The following HEATR4 variants were observed in gnomAD, a reference collection of about 807,000 sequenced individuals.
HEATR4 encodes the protein HEAT repeat-containing protein 4.
Under a neutral mutation model 108.8 loss-of-function variants are expected in HEATR4, and 95 were observed. The ratio of observed to expected loss-of-function variants is 0.87; its 90% confidence interval spans 0.74 to 1.04. The LOEUF (loss-of-function observed/expected upper bound fraction) is 1.04, where lower values mean the gene tolerates loss of function less well. Ranked by LOEUF, HEATR4 falls within the 50% of genes least tolerant of loss-of-function variation. The probability of loss-of-function intolerance (pLI) is 0.00; values close to 1 mark genes in which losing one functional copy is unlikely to be tolerated. For synonymous variants in HEATR4, 443 were observed against 459.4 expected, an observed-to-expected ratio of 0.96 and a Z score of 0.46; for missense variants, 1,152 against 1,253.8, an observed-to-expected ratio of 0.92 and a Z score of 1.23.
the HEATR4 span, among the ~76,000 whole-genome samples, chr14:73,630,386 G>C: frequency 6.6e-6 from 1 of 152,262 alleles, no homozygotes; most frequent in Non-Finnish European, 1.5e-5. Flanking sequence ...TCTTCTGCTG[G>C]CCTGCCTGTT....
chr14:73,588,192 G>T, the HEATR4 span, among the ~76,000 whole-genome samples: 1 of 151,890 alleles, frequency 6.6e-6, no homozygotes, highest in African/African-American at 2.4e-5. Flanking sequence ...TACAGACAGG[G>T]TTTCACCATC....
At chr14:73,488,135 G>A (rs61987091) in intron 17 of HEATR4, among the ~76,000 whole-genome samples, 5,311 of 152,198 alleles carry the variant, frequency 0.035, 138 homozygotes, top group Non-Finnish European at 0.056. Flanking sequence ...ATAAGGTTTG[G>A]CTCTGTGTCC....
intron 5 of HEATR4, among the ~76,000 whole-genome samples, chr14:73,515,381 TA>T (rs1346153613): frequency 6.6e-6 from 1 of 151,982 alleles, no homozygotes; most frequent in Non-Finnish European, 1.5e-5. Context: ...TCTTCTAATG[TA>T]AAAAGAGTCC....
chr14:73,569,810 C>T, the HEATR4 span: 1 of 1,601,354 alleles, frequency 6.2e-7, no homozygotes, highest in African/African-American at 1.3e-5. Flanking sequence ...ACGAGCGCTA[C>T]TTCCTCCCGC....
chr14:73,610,091 G>T, the HEATR4 span, among the ~76,000 whole-genome samples: 4 of 151,830 alleles, frequency 2.6e-5, no homozygotes, highest in Non-Finnish European at 4.4e-5. Context: ...AGGCCTACTG[G>T]TTGCAGTCAG....
intron 17 of HEATR4, chr14:73,490,980 C>T (rs572791022): frequency 7.6e-7 from 1 of 1,321,236 alleles, no homozygotes; most frequent in East Asian, 3.0e-5. Context: ...AGCTTCGCCC[C>T]CGGCCGGCCG....
At chr14:73,610,014 A>G in the HEATR4 span, among the ~76,000 whole-genome samples, 12 of 151,608 alleles carry the variant, frequency 7.9e-5, no homozygotes, top group African/African-American at 2.9e-4. Flanking sequence ...GCCACTGCCA[A>G]CACCTCCTGG....
At chr14:73,514,667 T>C (rs553387317) in intron 5 of HEATR4, among the ~76,000 whole-genome samples, 2 of 152,330 alleles carry the variant, frequency 1.3e-5, no homozygotes, top group East Asian at 3.9e-4. Flanking sequence ...GGGAGAATAA[T>C]AGTGCTATAA....
chr14:73,500,398 G>T, intron 12 of HEATR4, 152 bp downstream of exon 12: 3 of 716,274 alleles, frequency 4.2e-6, no homozygotes, highest in Non-Finnish European at 6.6e-6. Flanking sequence ...CCCTGAAACA[G>T]TCCTGTTTGA....
chr14:73,622,446 A>G, the HEATR4 span, among the ~76,000 whole-genome samples: 3 of 152,116 alleles, frequency 2.0e-5, no homozygotes, highest in Non-Finnish European at 4.4e-5. Flanking sequence ...CTTGTTGCCC[A>G]GCCTGGAGTT....
chr14:73,544,776 A>G (rs1417886057), intron 1 of HEATR4, among the ~76,000 whole-genome samples: 1 of 113,156 alleles, frequency 8.8e-6, no homozygotes, highest in Non-Finnish European at 1.9e-5. Context: ...GTCTCTACAA[A>G]CAAATACCAG....
At chr14:73,595,599 C>T in the HEATR4 span, 1 of 1,564,266 alleles carries the variant, frequency 6.4e-7, no homozygotes, top group Non-Finnish European at 8.7e-7. Context: ...CAAATTCTAG[C>T]CTTCTTCTGC....
the HEATR4 span, chr14:73,569,896 CGCT>C: frequency 6.3e-7 from 1 of 1,599,940 alleles, no homozygotes; most frequent in Non-Finnish European, 8.5e-7. Flanking sequence ...GACTCACCTC[CGCT>C]AATTGTTCCG....
the HEATR4 span, among the ~76,000 whole-genome samples, chr14:73,618,493 G>A: frequency 6.6e-5 from 10 of 151,388 alleles, no homozygotes; most frequent in Non-Finnish European, 1.0e-4. Flanking sequence ...GAGAAGGAGT[G>A]TGGTGCAGGG....
upstream of HEATR4, among the ~76,000 whole-genome samples, chr14:73,561,524 T>G (rs1889531711): frequency 6.7e-6 from 1 of 150,280 alleles, no homozygotes; most frequent in Non-Finnish European, 1.5e-5. Context: ...CCGTCTCTAC[T>G]AAAAATACAA....
intron 1 of HEATR4, among the ~76,000 whole-genome samples, chr14:73,540,665 T>A (rs1163349995): frequency 8.4e-6 from 1 of 119,412 alleles, no homozygotes; most frequent in African/African-American, 2.9e-5. Context: ...GGCACAGGGG[T>A]CTGTGGGACG....
the HEATR4 span, among the ~76,000 whole-genome samples, chr14:73,578,751 C>T: frequency 2.7e-5 from 4 of 150,518 alleles, no homozygotes; most frequent in Admixed American, 6.6e-5. Flanking sequence ...GTCAGGAGTT[C>T]GAGACCAGCC....
At chr14:73,615,505 C>T in the HEATR4 span, among the ~76,000 whole-genome samples, 52 of 149,284 alleles carry the variant, frequency 3.5e-4, no homozygotes, top group African/African-American at 1.1e-3. Context: ...CCAAGGTGGG[C>T]GGATCATCTG....
chr14:73,491,506 C>T (rs1364336804), intron 17 of HEATR4: 12 of 1,514,522 alleles, frequency 7.9e-6, no homozygotes, highest in Admixed American at 6.2e-5. Context: ...CGTCCGGGGC[C>T]CCTGCGACGG....
Sources: gnomAD v4.1 joint callset for allele counts (sites outside exome capture counted in the v4.1 genomes callset) on GRCh38, gnomAD v4.1.1 for gene constraint, MANE v1.5 for transcripts, NCBI Gene and HGNC (gene_info 2026-07-23, HGNC 2026-07-21) for gene names.